RTN4: variants seen among roughly 807,000 people sequenced by gnomAD.
RTN4 encodes reticulon-4.
Under a neutral mutation model 90.4 loss-of-function variants are expected in RTN4, and 32 were observed. The ratio of observed to expected loss-of-function variants is 0.35; its 90% CI spans 0.27 to 0.48. The LOEUF (loss-of-function observed/expected upper bound fraction) is 0.48, where lower values mean the gene tolerates loss of function less well. Among genes scored for constraint, RTN4 ranks in the 20% least tolerant of loss-of-function variants. The probability of loss-of-function intolerance (pLI) is 0.99; values close to 1 mark genes in which losing one functional copy is unlikely to be tolerated. For synonymous variants in RTN4, 629 were observed against 552.5 expected (o/e 1.14, Z -1.94); for missense variants, 1,706 against 1,430.2 (o/e 1.19, Z -3.11).
At chr2:55,068,540 T>C (rs551145368) in intron 2 of RTN4, among the ~76,000 whole-genome samples, 1 of 152,196 alleles carries the variant, frequency 6.6e-6, no homozygotes, top group Non-Finnish European at 1.5e-5. Context: ...TAAACTACTG[T>C]CAGTTTTTCT....
At chr2:55,080,059 C>T (rs772889952) in intron 2 of RTN4, among the ~76,000 whole-genome samples, 1 of 152,148 alleles carries the variant, frequency 6.6e-6, no homozygotes, top group Non-Finnish European at 1.5e-5. Context: ...AGGGTCCTCC[C>T]AGGCTAGAGT....
chr2:55,060,378 T>A (rs1267590708), intron 2 of RTN4, among the ~76,000 whole-genome samples: 3 of 152,248 alleles, frequency 2.0e-5, no homozygotes. Context: ...TAGCATATAG[T>A]TGTCATATTT....
intron 1 of RTN4, among the ~76,000 whole-genome samples, chr2:55,089,775 G>A (rs937531453): frequency 1.3e-5 from 2 of 152,222 alleles, no homozygotes; most frequent in Non-Finnish European, 2.9e-5. Flanking sequence ...CTTCAGCACA[G>A]CACTGTGGTC....
the RTN4 span, among the ~76,000 whole-genome samples, chr2:55,136,655 G>A: frequency 5.3e-5 from 8 of 152,330 alleles, no homozygotes; most frequent in African/African-American, 1.9e-4. Flanking sequence ...CTCTTGCTGG[G>A]CATTGGTTTG....
At chr2:55,044,212 AAT>A (rs1683263043) in intron 1 of RTN4, among the ~76,000 whole-genome samples, 1 of 152,066 alleles carries the variant, frequency 6.6e-6, no homozygotes, top group South Asian at 2.1e-4. Context: ...TAAATACATA[AAT>A]ATAAAAGTTT....
chr2:55,126,060 C>CAAA, the RTN4 span, among the ~76,000 whole-genome samples: 6 of 62,418 alleles, frequency 9.6e-5, no homozygotes, highest in African/African-American at 2.2e-4. Context: ...GACTCCGTCT[C>CAAA]AAAAAAAAAA....
At chr2:55,112,162 C>T (rs1163037225) in intron 1 of RTN4, among the ~76,000 whole-genome samples, 1 of 152,208 alleles carries the variant, frequency 6.6e-6, no homozygotes, top group Non-Finnish European at 1.5e-5. Context: ...ATGAGGCCTA[C>T]CTTCCCAGCT....
chr2:54,977,425 T>C (rs1573267849), intron 5 of RTN4, among the ~76,000 whole-genome samples: 4 of 142,938 alleles, frequency 2.8e-5, no homozygotes, highest in African/African-American at 1.0e-4. Context: ...TTTTTCTTCC[T>C]CTCACTTTCA....
chr2:55,063,989 G>A (rs1017880007), intron 2 of RTN4, among the ~76,000 whole-genome samples: 1 of 152,086 alleles, frequency 6.6e-6, no homozygotes, highest in Admixed American at 6.5e-5. Flanking sequence ...GGGCGACCAA[G>A]GTGGGAAGAT....
At chr2:55,120,989 A>T in the RTN4 span, among the ~76,000 whole-genome samples, 1 of 152,168 alleles carries the variant, frequency 6.6e-6, no homozygotes, top group Non-Finnish European at 1.5e-5. Flanking sequence ...AGCTGGAAAA[A>T]TTCCCATGGG....
intron 1 of RTN4, chr2:55,049,347 T>C (rs759985375): frequency 1.7e-5 from 4 of 234,754 alleles, no homozygotes; most frequent in Admixed American, 5.9e-5. Context: ...CTCCTAAAAA[T>C]ATCTGGGTGC....
chr2:54,985,287 A>G (rs1678469430), intron 4 of RTN4, among the ~76,000 whole-genome samples: 2 of 149,684 alleles, frequency 1.3e-5, no homozygotes, highest in African/African-American at 4.9e-5. Context: ...AGCTGCCTGA[A>G]TAGCTGGGAC....
At chr2:54,992,523 C>G (rs181393732) in intron 3 of RTN4, among the ~76,000 whole-genome samples, 2 of 151,792 alleles carry the variant, frequency 1.3e-5, no homozygotes, top group Non-Finnish European at 2.9e-5. Flanking sequence ...ACCCAAAAAC[C>G]GAGAACAGGG....
intron 5 of RTN4, among the ~76,000 whole-genome samples, chr2:54,978,556 TC>T (rs1404103268): frequency 1.3e-5 from 2 of 152,126 alleles, no homozygotes; most frequent in African/African-American, 4.8e-5. Flanking sequence ...TAGAGATACT[TC>T]TTTCAAATTG....
At chr2:55,035,578 A>C (rs1434514282) in intron 1 of RTN4, among the ~76,000 whole-genome samples, 1 of 152,142 alleles carries the variant, frequency 6.6e-6, no homozygotes, top group Non-Finnish European at 1.5e-5. Flanking sequence ...CAAACAAGTA[A>C]AAGAAAATAA....
At chr2:55,094,800 C>T (rs997412464) in intron 1 of RTN4, among the ~76,000 whole-genome samples, 1 of 152,080 alleles carries the variant, frequency 6.6e-6, no homozygotes, top group South Asian at 2.1e-4. Flanking sequence ...TGACAGTTAC[C>T]CCTGAGTTAG....
At chr2:55,090,419 C>A (rs528134709) in intron 1 of RTN4, among the ~76,000 whole-genome samples, 1 of 152,168 alleles carries the variant, frequency 6.6e-6, no homozygotes, top group South Asian at 2.1e-4. Flanking sequence ...ATCTTGACTG[C>A]GTATGGACAT....
At chr2:55,134,548 T>C in the RTN4 span, among the ~76,000 whole-genome samples, 17 of 152,220 alleles carry the variant, frequency 1.1e-4, 1 homozygote, top group Non-Finnish European at 5.9e-5. Context: ...CTGCATGCAG[T>C]CAATAAAGTG....
chr2:55,093,589 T>A (rs2105047309), intron 1 of RTN4, among the ~76,000 whole-genome samples: 2 of 152,296 alleles, frequency 1.3e-5, no homozygotes, highest in African/African-American at 4.8e-5. Context: ...TGAGTCATTA[T>A]CTGCATCTTT....
Sources: gnomAD v4.1 joint callset for allele counts (sites outside exome capture counted in the v4.1 genomes callset) on GRCh38, gnomAD v4.1.1 for gene constraint, MANE v1.5 for transcripts, NCBI Gene and HGNC (gene_info 2026-07-23, HGNC 2026-07-21) for gene names.